RANGAP1: variants seen among roughly 807,000 people sequenced by gnomAD.
The protein encoded by RANGAP1 is Ran GTPase activating protein 1.
In RANGAP1, 38 loss-of-function variants were observed where a neutral mutation model predicts 63.5. The ratio of observed to expected loss-of-function variants is 0.60; its 90% CI spans 0.46 to 0.78. RANGAP1 has a LOEUF of 0.78. RANGAP1 is among the 30% of genes least tolerant of loss of function. The pLI is 0.00. For synonymous variants in RANGAP1, 329 were observed against 310.5 expected (o/e 1.06, Z -0.63); for missense variants, 630 against 740.3 (o/e 0.85, Z 1.73).
chr22:41,279,869 G>A (rs1015728260), intron 2 of RANGAP1, among the ~76,000 whole-genome samples: 13 of 151,686 alleles, frequency 8.6e-5, no homozygotes, highest in Non-Finnish European at 1.5e-5. Context: ...AGGCCAAGGT[G>A]GGCAGATCAC....
At chr22:41,282,504 T>C (rs1157623680) in intron 1 of RANGAP1, 3 of 152,212 alleles carry the variant, frequency 2.0e-5, no homozygotes, top group Non-Finnish European at 4.4e-5. Flanking sequence ...GTATTTTTAG[T>C]AGAGACAGGG....
intron 3 of RANGAP1, among the ~76,000 whole-genome samples, chr22:41,271,131 G>A (rs773829243): frequency 1.3e-5 from 2 of 151,710 alleles, no homozygotes; most frequent in African/African-American, 4.8e-5. Context: ...GGCTCACGCC[G>A]ATAATTCCAG....
chr22:41,300,479 C>CACACAT, the RANGAP1 span, among the ~76,000 whole-genome samples: 1 of 28,666 alleles, frequency 3.5e-5, no homozygotes, highest in East Asian at 3.4e-4. Context: ...CACACACACA[C>CACACAT]ATATATTTCT....
chr22:41,258,480 T>C (rs967458057), intron 6 of RANGAP1, among the ~76,000 whole-genome samples: 5 of 152,172 alleles, frequency 3.3e-5, no homozygotes, highest in African/African-American at 1.2e-4. Context: ...CATAGCTCCA[T>C]GTGACCTTTC....
chr22:41,283,523 CAACAACAACAACAAAAAGGCATT>C (rs1432363686), intron 1 of RANGAP1, among the ~76,000 whole-genome samples: 3 of 151,748 alleles, frequency 2.0e-5, no homozygotes, highest in East Asian at 1.9e-4. Context: ...AAACAAATAA[CAACAACAACAACAAAAAGGCATT>C]AACAACAACA....
chr22:41,252,849 G>A (rs750923023), intron 12 of RANGAP1, 23 bp downstream of exon 12: 5 of 1,557,162 alleles, frequency 3.2e-6, no homozygotes, highest in Non-Finnish European at 4.3e-6. Flanking sequence ...CGTACAGCGT[G>A]GGGGTCGAGG....
In RANGAP1 at chr22:41,245,292, T is replaced by C. The variant is rs2145649903; in HGVS notation, c.*1311A>G. On this transcript the variant is annotated 3_prime_UTR_variant, in exon 16 of 16. Coordinates refer to ENST00000356244, the MANE Select transcript of RANGAP1 (RefSeq NM_002883.4). ...GGTGTAGGGTAGGAGGTAAGGAAGG[T>C]TGGCTGGGCTGTCCTCACATATGTG... Among the ~76,000 whole-genome samples, 2 of 152,102 alleles carry C rather than the reference T, an allele frequency of 1.3e-5. No individual in the cohort carries two copies. Among genetic ancestry groups the C allele is most frequent in the East Asian group, 3.9e-4 (2 of 5,168 alleles).
intron 15 of RANGAP1, among the ~76,000 whole-genome samples, 163 bp from the exon 16 acceptor site, chr22:41,246,835 G>A (rs1479474535): frequency 6.6e-6 from 1 of 152,204 alleles, no homozygotes; most frequent in African/African-American, 2.4e-5. Context: ...GGGGATGGGA[G>A]GTGCGAGAGG....
intron 3 of RANGAP1, 127 bp downstream of exon 3, chr22:41,274,473 A>G: frequency 7.1e-7 from 1 of 1,398,926 alleles, no homozygotes. Flanking sequence ...CCAGAGGAAG[A>G]GGAGCTGCTT....
chr22:41,247,902 C>T (rs2033158157), intron 15 of RANGAP1, among the ~76,000 whole-genome samples: 1 of 152,202 alleles, frequency 6.6e-6, no homozygotes, highest in Admixed American at 6.5e-5. Flanking sequence ...ACCCAGGGGG[C>T]AGACTGAGGC....
At chr22:41,293,329 T>A in the RANGAP1 span, among the ~76,000 whole-genome samples, 1 of 152,006 alleles carries the variant, frequency 6.6e-6, no homozygotes, top group Non-Finnish European at 1.5e-5. Flanking sequence ...GTAGGATTGC[T>A]TGAGCCCAGG....
the RANGAP1 span, among the ~76,000 whole-genome samples, chr22:41,302,005 G>A: frequency 1.3e-5 from 2 of 152,246 alleles, no homozygotes; most frequent in Admixed American, 6.5e-5. This position sits in a 1 kb window ranked among gnomAD's most constrained non-coding sequence, Gnocchi z 5.7. Context: ...CCCGGTCCCC[G>A]TGCCCTGCCC....
Position 41,250,959 on chromosome 22 carries a change from G to A in RANGAP1, c.1483+48C>T, listed in dbSNP as rs372682719. ...ACCACGAAGGATACCTGGGGCCCAC[G>A]AGCATCAAGGGACAGAGGGCACCCA... On this transcript the variant is annotated intron_variant, in intron 13 of 15. Coordinates refer to ENST00000356244, the MANE Select transcript of RANGAP1 (RefSeq NM_002883.4). 1.1e-4 allele frequency: 160 copies of A among 1,478,616 alleles called. 1 individual carries two copies. The South Asian group carries it at 1.5e-3, about 14-fold the overall frequency. The allele number at this position is 1,478,616 out of a possible 1,614,324, so 91.6% of individuals were successfully genotyped here. A position where few individuals can be genotyped will look rare whatever the true frequency, so the allele number is the denominator to read the frequency against.
At chr22:41,248,730 G>A (rs1028519278) in intron 15 of RANGAP1, among the ~76,000 whole-genome samples, 16 of 152,216 alleles carry the variant, frequency 1.1e-4, no homozygotes, top group Admixed American at 3.9e-4. Flanking sequence ...CTCCCTGGTG[G>A]GGCCTTGCCT....
chr22:41,253,027 C>T lies in RANGAP1; in HGVS notation c.1261-36G>A, dbSNP rs770038443. The stretch of plus-strand genomic sequence containing the variant: ...GGGGCACAGAGGCTCTGGAGAATTC[C>T]GGACCCCAGACTCCCCGACACAGCT... On this transcript the variant is annotated intron_variant, in intron 11 of 15. Coordinates refer to ENST00000356244, the MANE Select transcript of RANGAP1 (RefSeq NM_002883.4). 9 of 1,403,450 alleles carry T rather than the reference C, an allele frequency of 6.4e-6. No individual in the cohort carries two copies. In the East Asian group the frequency reaches 1.1e-4, roughly 18 times the overall value. The allele number at this position is 1,403,450 out of a possible 1,614,324, so 86.9% of individuals were successfully genotyped here. A position where few individuals can be genotyped will look rare whatever the true frequency, so the allele number is the denominator to read the frequency against.
chr22:41,260,768 T>C (rs1302568466), intron 6 of RANGAP1, among the ~76,000 whole-genome samples: 1 of 152,012 alleles, frequency 6.6e-6, no homozygotes, highest in Non-Finnish European at 1.5e-5. Context: ...TGCTTGAACC[T>C]GGGAGGCGGA....
At chr22:41,277,164 G>T (rs1243969011) in intron 2 of RANGAP1, among the ~76,000 whole-genome samples, 1 of 128,050 alleles carries the variant, frequency 7.8e-6, no homozygotes, top group African/African-American at 2.9e-5. Flanking sequence ...TGCAAGCTCC[G>T]CCTCCCGGGT....
intron 6 of RANGAP1, among the ~76,000 whole-genome samples, chr22:41,259,880 C>T (rs1484621079): frequency 6.6e-6 from 1 of 152,112 alleles, no homozygotes; most frequent in Non-Finnish European, 1.5e-5. Flanking sequence ...GTGGTGCACA[C>T]CTGTAGTCCC....
rs1174887343 is a variant in RANGAP1, at chr22:41,252,924, G to A, written c.1328C>T (p.Pro443Leu). 3.8e-6 allele frequency: 6 copies of A among 1,565,828 alleles called. No individual in the cohort carries two copies. Among genetic ancestry groups the A allele is most frequent in the Non-Finnish European group, 5.2e-6 (6 of 1,159,102 alleles). ...DVSTFLAFPS[P>L]EKLLRLGPKS... ...GGGCCCTAGGCGCAGCAGCTTCTCTGGAGAGGGAAAAGCCAGGAAGGTGGA... is the reference window on the plus strand; with the variant it reads ...GGGCCCTAGGCGCAGCAGCTTCTCTAGAGAGGGAAAAGCCAGGAAGGTGGA... Residue 443 changes from proline (P) to leucine (L), a missense_variant, in exon 12 of 16, where the codon CCA becomes CTA. Physicochemically the swap from Pro to Leu is moderately conservative, Grantham distance 98. Around this residue, in one of 3 missense-constraint regions of RANGAP1, gnomAD observed 428 missense variants for 465.5 expected, o/e 0.92. Transcript: ENST00000356244.
Sources: gnomAD v4.1 joint callset for allele counts (sites outside exome capture counted in the v4.1 genomes callset) on GRCh38, gnomAD v4.1.1 for gene constraint, gnomAD v4.1.1 regional missense constraint, Gnocchi (gnomAD v3.1) non-coding constraint, MANE v1.5 for transcripts, NCBI Gene and HGNC (gene_info 2026-07-23, HGNC 2026-07-21) for gene names.